Variants in ARFIP1 observed in about 807,000 individuals in gnomAD.
The protein encoded by ARFIP1 is ARF interacting protein 1.
Under a neutral mutation model 42.5 loss-of-function variants are expected in ARFIP1, and 24 were observed. The ratio of observed to expected loss-of-function variants is 0.57; its 90% CI spans 0.41 to 0.80. The LOEUF is 0.80. Among genes scored for constraint, ARFIP1 ranks in the 30% least tolerant of loss-of-function variants. ARFIP1 has a pLI of 0.00. For missense variants in ARFIP1, 354 were observed against 434.0 expected (o/e 0.82, Z 1.64); for synonymous variants, 141 against 153.7 (o/e 0.92, Z 0.61).
intron 1 of ARFIP1, among the ~76,000 whole-genome samples, chr4:152,785,158 T>C (rs1313342598): frequency 6.6e-6 from 1 of 151,856 alleles, no homozygotes; most frequent in Non-Finnish European, 1.5e-5. Flanking sequence ...ACATCTGTAA[T>C]CCATTCTTGG....
At chr4:152,780,621 C>T (rs1411457347) in intron 1 of ARFIP1, among the ~76,000 whole-genome samples, 1 of 152,154 alleles carries the variant, frequency 6.6e-6, no homozygotes, top group Non-Finnish European at 1.5e-5. Context: ...TCCCCAGCTT[C>T]CTCTCTCCCG....
intron 1 of ARFIP1, among the ~76,000 whole-genome samples, chr4:152,802,254 A>G (rs377498669): frequency 1.3e-5 from 2 of 152,320 alleles, no homozygotes; most frequent in East Asian, 1.9e-4. Flanking sequence ...TAATTAGTCC[A>G]CTAAGCACTG....
At chr4:152,862,650 T>G (rs1211706018) in intron 2 of ARFIP1, among the ~76,000 whole-genome samples, 2 of 152,232 alleles carry the variant, frequency 1.3e-5, no homozygotes, top group East Asian at 1.9e-4. Context: ...GTGTTTACTT[T>G]TAACTTGTCA....
chr4:152,840,125 T>C (rs1662519804), intron 2 of ARFIP1, among the ~76,000 whole-genome samples: 1 of 152,244 alleles, frequency 6.6e-6, no homozygotes, highest in African/African-American at 2.4e-5. Flanking sequence ...CTTGATATAA[T>C]TTCAATTTCC....
At chr4:152,802,060 T>A (rs997194219) in intron 1 of ARFIP1, among the ~76,000 whole-genome samples, 2 of 152,184 alleles carry the variant, frequency 1.3e-5, no homozygotes, top group African/African-American at 2.4e-5. Context: ...AATAAATACA[T>A]TAACCACTTT....
intron 8 of ARFIP1, among the ~76,000 whole-genome samples, chr4:152,903,237 A>T (rs1046689975): frequency 6.6e-6 from 1 of 152,200 alleles, no homozygotes; most frequent in African/African-American, 2.4e-5. Context: ...GAATGTTCAT[A>T]TTGAGGATTG....
chr4:152,872,712 A>G (rs1307281494), intron 5 of ARFIP1, 148 bp downstream of exon 5: 2 of 514,186 alleles, frequency 3.9e-6, no homozygotes, highest in Non-Finnish European at 6.7e-6. Flanking sequence ...AAAATGAAGT[A>G]TTTGTTTTAT....
intron 8 of ARFIP1, among the ~76,000 whole-genome samples, chr4:152,894,006 T>TC (rs1737089074): frequency 6.6e-6 from 1 of 151,896 alleles, no homozygotes; most frequent in South Asian, 2.1e-4. Context: ...TCACTTGAGG[T>TC]CAGGAGTTTG....
At chr4:152,789,234 G>A (rs1193731953) in intron 1 of ARFIP1, among the ~76,000 whole-genome samples, 6 of 151,638 alleles carry the variant, frequency 4.0e-5, no homozygotes, top group Non-Finnish European at 8.8e-5. Context: ...GGGTCTACAG[G>A]TACATGCCAC....
At chr4:152,796,555 GTC>G in intron 1 of ARFIP1, 1 of 784,248 alleles carries the variant, frequency 1.3e-6, no homozygotes, top group East Asian at 2.4e-5. Context: ...GCTCGAGATT[GTC>G]TCTCTGTCCT....
intron 8 of ARFIP1, among the ~76,000 whole-genome samples, chr4:152,892,312 A>G (rs1736923595): frequency 6.6e-6 from 1 of 152,128 alleles, no homozygotes. Context: ...CTGTTTTTGC[A>G]GCTTTTCTCT....
chr4:152,786,338 T>G lies in ARFIP1; in HGVS notation c.-10+6112T>G, dbSNP rs984472687. On this transcript the variant is annotated intron_variant, in intron 1 of 8. Transcript: ENST00000353617. ...AAAATGAAACTGATTTCCCCTTCCC[T>G]CCCTACAAAACTGCACAACGTTGGT... 1.2e-4 allele frequency among the ~76,000 whole-genome samples: 18 copies of G among 152,310 alleles called. No homozygotes were observed. In the South Asian group the frequency reaches 2.9e-3, roughly 25 times the overall value.
At chr4:152,889,752 ATATT>A (rs1289620103) in intron 8 of ARFIP1, among the ~76,000 whole-genome samples, 1 of 39,722 alleles carries the variant, frequency 2.5e-5, no homozygotes, top group Non-Finnish European at 5.0e-5. Flanking sequence ...TATATACTAT[ATATT>A]ATATACTATA....
chr4:152,909,044 A>G (rs1033762374), intron 8 of ARFIP1, among the ~76,000 whole-genome samples: 2 of 152,104 alleles, frequency 1.3e-5, no homozygotes, highest in Admixed American at 6.5e-5. Flanking sequence ...TGAATGTCAT[A>G]TTGGATGGGA....
intron 2 of ARFIP1, among the ~76,000 whole-genome samples, chr4:152,848,068 T>C (rs1282358331): frequency 6.6e-6 from 1 of 152,092 alleles, no homozygotes; most frequent in Non-Finnish European, 1.5e-5. Flanking sequence ...TTAAGTGATA[T>C]CACAGAGTAT....
chr4:152,907,406 A>C, intron 8 of ARFIP1, among the ~76,000 whole-genome samples: 1 of 152,166 alleles, frequency 6.6e-6, no homozygotes, highest in South Asian at 2.1e-4. Context: ...CAAAAATAAC[A>C]AAAAAAGCAG....
intron 1 of ARFIP1, chr4:152,807,078 AATCAAG>A (rs1272625907): frequency 6.6e-6 from 1 of 152,116 alleles, no homozygotes; most frequent in Non-Finnish European, 1.5e-5. Flanking sequence ...TTTCGAAATT[AATCAAG>A]AGTTGTTGCA....
intron 8 of ARFIP1, among the ~76,000 whole-genome samples, chr4:152,901,927 G>C (rs570564012): frequency 6.6e-6 from 1 of 152,210 alleles, no homozygotes; most frequent in Non-Finnish European, 1.5e-5. Flanking sequence ...TTGGGAACAA[G>C]GTTAAAGTGC....
At chr4:152,819,507 A>G (rs1210413355) in intron 1 of ARFIP1, among the ~76,000 whole-genome samples, 2 of 152,158 alleles carry the variant, frequency 1.3e-5, no homozygotes, top group Non-Finnish European at 2.9e-5. Flanking sequence ...TACTGCAGAC[A>G]TTCCCCAGCA....
Sources: allele counts gnomAD v4.1 joint callset (sites outside exome capture counted in the v4.1 genomes callset), GRCh38; gene constraint gnomAD v4.1.1; transcripts MANE v1.5; gene names NCBI Gene and HGNC (gene_info 2026-07-23, HGNC 2026-07-21).